Variants in MICAL2 observed in about 807,000 individuals in gnomAD.
MICAL2 encodes the protein microtubule associated monooxygenase, calponin and LIM domain containing 2, also known as [F-actin]-monooxygenase MICAL2.
MICAL2 carries 77 observed loss-of-function variants against 127.3 expected under a neutral mutation model. That is an observed-to-expected ratio of 0.60 (90% CI 0.50 to 0.73). The LOEUF is 0.73. Among genes scored for constraint, MICAL2 ranks in the 30% least tolerant of loss-of-function variants. The pLI, the probability that MICAL2 is intolerant of heterozygous loss-of-function variation, is 0.00. For synonymous variants in MICAL2, 570 were observed against 551.1 expected (o/e 1.03, Z -0.48); for missense variants, 1,351 against 1,434.4 (o/e 0.94, Z 0.94).
chr11:12,157,696 AT>A (rs1490490735), intron 2 of MICAL2, among the ~76,000 whole-genome samples: 1 of 105,616 alleles, frequency 9.5e-6, no homozygotes, highest in Non-Finnish European at 2.5e-5. Flanking sequence ...GGATCCTCTG[AT>A]AAAAAAAAAA....
chr11:12,355,536 G>C (rs1939116359), intron 34 of MICAL2, among the ~76,000 whole-genome samples: 1 of 152,190 alleles, frequency 6.6e-6, no homozygotes, highest in Non-Finnish European at 1.5e-5. Context: ...CCCATATTCA[G>C]ACCTAGATCT....
At chr11:12,223,216 C>T (rs1012730208) in intron 11 of MICAL2, among the ~76,000 whole-genome samples, 195 bp from the exon 12 acceptor site, 1 of 152,302 alleles carries the variant, frequency 6.6e-6, no homozygotes, top group East Asian at 1.9e-4. Context: ...ACTTAGTTTG[C>T]CTGCATCTGG....
At chr11:12,173,736 T>C (rs1014372750) in intron 3 of MICAL2, among the ~76,000 whole-genome samples, 23 of 152,216 alleles carry the variant, frequency 1.5e-4, no homozygotes, top group African/African-American at 5.3e-4. Context: ...CCCTCTCATC[T>C]TTTTGTTTGT....
chr11:12,172,604 A>C (rs4271372), intron 3 of MICAL2, among the ~76,000 whole-genome samples: 65,417 of 151,948 alleles, frequency 0.43, 14,953 homozygotes, highest in African/African-American at 0.59. Flanking sequence ...AGGTAAAAGC[A>C]GGGTTCTTGT....
At chr11:12,314,469 T>G (rs966372404) in intron 29 of MICAL2, among the ~76,000 whole-genome samples, 3 of 148,838 alleles carry the variant, frequency 2.0e-5, no homozygotes, top group African/African-American at 7.4e-5. Flanking sequence ...AACCTAAGAC[T>G]TTAGAAAACT....
intron 6 of MICAL2, among the ~76,000 whole-genome samples, chr11:12,212,088 A>G (rs148630502): frequency 6.6e-6 from 1 of 151,976 alleles, no homozygotes; most frequent in Non-Finnish European, 1.5e-5. Flanking sequence ...GGGGTTGGCC[A>G]CTCCTGGATT....
At chr11:12,224,074 C>T (rs1027604111) in intron 12 of MICAL2, among the ~76,000 whole-genome samples, 1 of 152,192 alleles carries the variant, frequency 6.6e-6, no homozygotes, top group Admixed American at 6.5e-5. Context: ...CCTCCACACA[C>T]CACGACATGC....
At chr11:12,221,798 G>A (rs1312997995) in intron 10 of MICAL2, 39 bp downstream of exon 10, 1 of 1,553,066 alleles carries the variant, frequency 6.4e-7, no homozygotes, top group South Asian at 1.1e-5. Flanking sequence ...GGGGGGCAGG[G>A]CACTCAGGCA....
downstream of MICAL2, among the ~76,000 whole-genome samples, chr11:12,295,879 C>T (rs1265093022): frequency 6.6e-6 from 1 of 152,010 alleles, no homozygotes; most frequent in Non-Finnish European, 1.5e-5. Flanking sequence ...TTATATTTTA[C>T]ATACGGTGTT....
At chr11:12,212,600 C>T (rs1855624626) in intron 6 of MICAL2, among the ~76,000 whole-genome samples, 1 of 151,832 alleles carries the variant, frequency 6.6e-6, no homozygotes, top group South Asian at 2.1e-4. Flanking sequence ...TTCCTCTTTT[C>T]AAAGGACACC....
downstream of MICAL2, among the ~76,000 whole-genome samples, chr11:12,264,650 C>G (rs560334167): frequency 9.9e-5 from 15 of 152,162 alleles, no homozygotes; most frequent in Non-Finnish European, 2.1e-4. Context: ...TCCTGAGGCT[C>G]TGGTCTCTGA....
Position 12,259,950 on chromosome 11 carries a change from G to A in MICAL2, c.3334+53G>A, listed in dbSNP as rs181517216. The A allele has an allele frequency of 3.3e-4, 532 of 1,593,002 alleles. 7 individuals are homozygous for A. In the East Asian group the frequency reaches 6.2e-3, roughly 19 times the overall value. ...TGCTGGGCTGGCCCCTCAGGCTGCC[G>A]AGGGACCTGTGTAACTGGATGCAGG... On this transcript the variant is annotated intron_variant, in intron 26 of 27. Transcript: ENST00000683283.
chr11:12,295,474 A>T (rs1353153626), downstream of MICAL2, among the ~76,000 whole-genome samples: 1 of 124,800 alleles, frequency 8.0e-6, no homozygotes, highest in Non-Finnish European at 1.6e-5. Flanking sequence ...TTTTAGAGAG[A>T]CAGGTCTTTC....
chr11:12,222,386 G>T (rs1590433654), intron 10 of MICAL2, among the ~76,000 whole-genome samples: 1 of 152,340 alleles, frequency 6.6e-6, no homozygotes, highest in East Asian at 1.9e-4. Context: ...CTGCCTGGGT[G>T]GAGGAGCCCA....
chr11:12,202,508 T>C (rs1437788460), intron 3 of MICAL2, among the ~76,000 whole-genome samples: 2 of 152,226 alleles, frequency 1.3e-5, no homozygotes, highest in East Asian at 3.9e-4. Flanking sequence ...TTGAAACCGT[T>C]CAACCCACAG....
At chr11:12,150,957 G>A (rs1853512627) in intron 2 of MICAL2, among the ~76,000 whole-genome samples, 1 of 152,092 alleles carries the variant, frequency 6.6e-6, no homozygotes, top group African/African-American at 2.4e-5. Context: ...GACGCTTATT[G>A]AGCTCATCTG....
chr11:12,313,135 T>G (rs930282190), intron 29 of MICAL2, among the ~76,000 whole-genome samples: 7 of 113,838 alleles, frequency 6.1e-5, no homozygotes, highest in Non-Finnish European at 9.7e-5. Flanking sequence ...ACCACTGCAC[T>G]CCAGCCTGGG....
rs979302941 is a variant in MICAL2, at chr11:12,308,327, G to T, written c.5213-11369G>T. ...TCAGTTTCTACCAAAGAAGCCTACTGGAATTTTGCTTGTTATCTATAGATC... is the reference window on the plus strand; with the variant it reads ...TCAGTTTCTACCAAAGAAGCCTACTTGAATTTTGCTTGTTATCTATAGATC... On this transcript the variant is annotated intron_variant, in intron 29 of 34. Transcript: ENST00000646065. 2.6e-5 allele frequency: 4 copies of T among 152,136 alleles called. No individual in the cohort carries two copies. In the East Asian group the frequency reaches 7.7e-4, roughly 29 times the overall value. The allele number at this position is 152,136 out of a possible 1,614,324, so 9.4% of individuals were successfully genotyped here.
At chr11:12,251,632 G>T (rs954490937) in intron 22 of MICAL2, among the ~76,000 whole-genome samples, 2 of 150,020 alleles carry the variant, frequency 1.3e-5, no homozygotes, top group African/African-American at 2.5e-5. Context: ...GGGTGGATGT[G>T]TGGGTGCCAC....
Sources: gnomAD v4.1 joint callset for allele counts (sites outside exome capture counted in the v4.1 genomes callset) on GRCh38, gnomAD v4.1.1 for gene constraint, MANE v1.5 for transcripts, NCBI Gene and HGNC (gene_info 2026-07-23, HGNC 2026-07-21) for gene names.